The following MEI4 variants were observed in gnomAD, a reference collection of about 807,000 sequenced individuals.
MEI4 encodes the protein meiosis-specific protein MEI4.
MEI4 carries 27 observed loss-of-function variants against 31.4 expected under a neutral mutation model. The ratio of observed to expected loss-of-function variants is 0.86; its 90% CI spans 0.63 to 1.19. The LOEUF (loss-of-function observed/expected upper bound fraction) is 1.19, where lower values mean the gene tolerates loss of function less well. Among genes scored for constraint, MEI4 ranks in the 50% most tolerant of loss-of-function variants. The pLI is 0.00. For synonymous variants in MEI4, 122 were observed against 145.4 expected (o/e 0.84, Z 1.16); for missense variants, 329 against 398.9 (o/e 0.82, Z 1.49).
intron 1 of MEI4, among the ~76,000 whole-genome samples, chr6:77,659,352 A>G (rs1478827756): frequency 6.6e-6 from 1 of 152,184 alleles, no homozygotes; most frequent in Non-Finnish European, 1.5e-5. Context: ...TAGAGGATCC[A>G]CAGAGGAAGA....
chr6:77,776,333 T>C (rs1347839637), intron 3 of MEI4, among the ~76,000 whole-genome samples: 1 of 152,130 alleles, frequency 6.6e-6, no homozygotes, highest in African/African-American at 2.4e-5. Context: ...TACCCTTTGA[T>C]TTTAATAAAA....
At chr6:77,780,224 T>G (rs562488203) in intron 3 of MEI4, among the ~76,000 whole-genome samples, 3 of 152,274 alleles carry the variant, frequency 2.0e-5, no homozygotes, top group African/African-American at 4.8e-5. Context: ...CCTCTTACCT[T>G]GAGTTAATAG....
At chr6:77,713,978 A>G (rs1253178947) in intron 2 of MEI4, among the ~76,000 whole-genome samples, 1 of 152,094 alleles carries the variant, frequency 6.6e-6, no homozygotes, top group East Asian at 1.9e-4. Flanking sequence ...AAGTAAGAAT[A>G]TGTGGTATTT....
chr6:77,688,980 G>A (rs1370949193), intron 1 of MEI4, among the ~76,000 whole-genome samples: 1 of 152,116 alleles, frequency 6.6e-6, no homozygotes, highest in Non-Finnish European at 1.5e-5. Flanking sequence ...CATCTTGACA[G>A]TATCTAGTCC....
At chr6:77,889,750 T>A (rs1319547436) in intron 4 of MEI4, among the ~76,000 whole-genome samples, 1 of 152,154 alleles carries the variant, frequency 6.6e-6, no homozygotes, top group Admixed American at 6.5e-5. Context: ...GAAAAATGGT[T>A]TTGTGGGCCA....
chr6:77,901,600 A>T (rs1766190125), intron 4 of MEI4, among the ~76,000 whole-genome samples: 1 of 151,984 alleles, frequency 6.6e-6, no homozygotes, highest in African/African-American at 2.4e-5. Context: ...TTTCTTATAT[A>T]TTTTTAATAT....
intron 3 of MEI4, among the ~76,000 whole-genome samples, chr6:77,799,912 T>A (rs1405274125): frequency 6.6e-5 from 10 of 152,208 alleles, no homozygotes; most frequent in Non-Finnish European, 1.2e-4. Flanking sequence ...GTAGTATGAT[T>A]TGAAGTCAGG....
At chr6:77,667,570 G>C (rs890495746) in intron 1 of MEI4, among the ~76,000 whole-genome samples, 6 of 152,120 alleles carry the variant, frequency 3.9e-5, no homozygotes, top group Non-Finnish European at 8.8e-5. Context: ...ATAACACAAA[G>C]AAGACATAGT....
chr6:77,809,593 TA>T lies in MEI4; in HGVS notation c.769-19336del, dbSNP rs1305031908. Among the ~76,000 whole-genome samples the T allele has an allele frequency of 7.9e-5, 12 of 152,312 alleles. No individual in the cohort carries two copies. In the South Asian group the frequency reaches 2.5e-3, roughly 32 times the overall value. ...CAGGAAAGGTATATTATGCGTTTTGTAATGATAATGGAGCTCATAGAGGCCA... is the reference window on the plus strand; with the variant it reads ...CAGGAAAGGTATATTATGCGTTTTGTATGATAATGGAGCTCATAGAGGCCA... On this transcript the variant is annotated intron_variant, in intron 3 of 4. Transcript: ENST00000684080.
chr6:77,679,300 C>T (rs1768907361), intron 1 of MEI4, among the ~76,000 whole-genome samples: 1 of 152,166 alleles, frequency 6.6e-6, no homozygotes, highest in Non-Finnish European at 1.5e-5. Flanking sequence ...AACAATTCAT[C>T]TTAAGTGCCC....
chr6:77,795,372 C>A (rs995010545), intron 3 of MEI4, among the ~76,000 whole-genome samples: 1 of 152,062 alleles, frequency 6.6e-6, no homozygotes, highest in African/African-American at 2.4e-5. Flanking sequence ...TTAGAGGCAG[C>A]CTTCTTACAG....
chr6:77,814,400 C>T (rs1318523464), intron 3 of MEI4, among the ~76,000 whole-genome samples: 1 of 151,622 alleles, frequency 6.6e-6, no homozygotes, highest in Non-Finnish European at 1.5e-5. Flanking sequence ...CCATTTTTTG[C>T]AGCTATGCTG....
chr6:77,678,209 G>A (rs927759710), intron 1 of MEI4, among the ~76,000 whole-genome samples: 3 of 152,136 alleles, frequency 2.0e-5, no homozygotes, highest in Non-Finnish European at 2.9e-5. Context: ...TAGAAATTGC[G>A]TAATACAAAT....
intron 4 of MEI4, among the ~76,000 whole-genome samples, chr6:77,917,152 T>C (rs1347006097): frequency 1.3e-5 from 2 of 152,140 alleles, no homozygotes; most frequent in African/African-American, 4.8e-5. Context: ...TGCCACATTT[T>C]CTTAATCCAG....
chr6:77,755,738 A>G (rs1767899113), intron 2 of MEI4, among the ~76,000 whole-genome samples: 1 of 152,082 alleles, frequency 6.6e-6, no homozygotes, highest in Non-Finnish European at 1.5e-5. Flanking sequence ...TTATGATTGC[A>G]TACTTTAGCA....
intron 4 of MEI4, among the ~76,000 whole-genome samples, chr6:77,834,622 C>T (rs894221623): frequency 2.0e-5 from 3 of 151,872 alleles, no homozygotes; most frequent in Non-Finnish European, 4.4e-5. Flanking sequence ...GGGTCCAAGC[C>T]GCTTGCAGTC....
intron 2 of MEI4, among the ~76,000 whole-genome samples, chr6:77,738,043 G>T (rs777825196): frequency 1.3e-5 from 2 of 152,190 alleles, no homozygotes; most frequent in Non-Finnish European, 2.9e-5. Flanking sequence ...ATTCTTTGAG[G>T]CAGTGAGAAA....
chr6:77,720,424 C>T (rs1766685510), intron 2 of MEI4, among the ~76,000 whole-genome samples: 1 of 43,220 alleles, frequency 2.3e-5, no homozygotes. Flanking sequence ...TCTGGAACTC[C>T]CATTACAGCA....
chr6:77,920,337 G>T (rs1766674118), intron 4 of MEI4, among the ~76,000 whole-genome samples: 1 of 152,004 alleles, frequency 6.6e-6, no homozygotes, highest in Non-Finnish European at 1.5e-5. Context: ...ATGCAAGGCT[G>T]TTTCAATATA....
Sources: allele counts gnomAD v4.1 joint callset (sites outside exome capture counted in the v4.1 genomes callset), GRCh38; gene constraint gnomAD v4.1.1; transcripts MANE v1.5; gene names NCBI Gene and HGNC (gene_info 2026-07-23, HGNC 2026-07-21).